The following C16orf46 variants were observed in gnomAD, a reference collection of about 807,000 sequenced individuals.
C16orf46 encodes the protein uncharacterized protein C16orf46.
In C16orf46, 7 loss-of-function variants were observed where a neutral mutation model predicts 5.5. That is an observed-to-expected ratio of 1.28 (90% CI 0.73 to 2.40). The LOEUF is 2.40. Ranked by LOEUF, C16orf46 falls within the 30% of genes most tolerant of loss-of-function variation. The probability of loss-of-function intolerance (pLI) is 0.00; values close to 1 mark genes in which losing one functional copy is unlikely to be tolerated. For synonymous variants in C16orf46, 200 were observed against 184.1 expected, an observed-to-expected ratio of 1.09 and a Z score of -0.70; for missense variants, 614 against 476.0, an observed-to-expected ratio of 1.29 and a Z score of -2.70.
chr16:81,056,075 G>C (rs968082450), downstream of C16orf46: 1 of 152,134 alleles, frequency 6.6e-6, no homozygotes, highest in Non-Finnish European at 1.5e-5. Context: ...AGCTAAACGG[G>C]AGAGAAAAGC....
downstream of C16orf46, chr16:81,060,875 A>G (rs1971440495): frequency 2.7e-6 from 2 of 728,464 alleles, no homozygotes; most frequent in East Asian, 5.2e-5. Context: ...AAGCAGGCAG[A>G]GGCTGGGGCT....
downstream of C16orf46, among the ~76,000 whole-genome samples, chr16:81,058,835 C>T (rs1195828103): frequency 6.6e-6 from 1 of 152,132 alleles, no homozygotes; most frequent in African/African-American, 2.4e-5. Context: ...TCCTTCCTGC[C>T]TTATGTGATA....
At chr16:81,071,667 C>A (rs1269503739) in intron 1 of C16orf46, among the ~76,000 whole-genome samples, 1 of 151,936 alleles carries the variant, frequency 6.6e-6, no homozygotes, top group Non-Finnish European at 1.5e-5. Flanking sequence ...ATCCCATGGG[C>A]CCCGGAGGGA....
intron 1 of C16orf46, among the ~76,000 whole-genome samples, chr16:81,068,306 G>A (rs1331434745): frequency 6.6e-6 from 1 of 152,188 alleles, no homozygotes; most frequent in Non-Finnish European, 1.5e-5. Flanking sequence ...TACAGCAAAA[G>A]GACATGTTTT....
intron 1 of C16orf46, among the ~76,000 whole-genome samples, chr16:81,068,367 G>C (rs988093829): frequency 6.6e-6 from 1 of 152,154 alleles, no homozygotes; most frequent in Non-Finnish European, 1.5e-5. Flanking sequence ...GGAGAAATCA[G>C]TGTAAACTGA....
chr16:81,059,527 C>T (rs150157775), downstream of C16orf46, among the ~76,000 whole-genome samples: 209 of 152,206 alleles, frequency 1.4e-3, no homozygotes, highest in African/African-American at 4.6e-3. Context: ...TATCACAGAA[C>T]GGTTCATCAG....
At chr16:81,055,235 T>A (rs1019225370) in intron 3 of C16orf46, 11 of 152,088 alleles carry the variant, frequency 7.2e-5, no homozygotes, top group African/African-American at 2.7e-4. Flanking sequence ...ACAAATGAAA[T>A]CACTAACAGT....
At position 81,061,188 on chromosome 16, in the gene C16orf46, AATG is replaced by A; in HGVS notation, c.1158_1160del (p.Ile387del). The A allele has an allele frequency of 6.2e-7, 1 of 1,612,880 alleles. No individual in the cohort carries two copies. Among genetic ancestry groups the A allele is most frequent in the African/African-American group, 1.3e-5 (1 of 74,984 alleles). ...AGAGGATCCTGTGGGTAGAGACAGGAATGATAACTCTGCTCACTGTGAGAGACG... is the reference window on the plus strand; with the variant it reads ...AGAGGATCCTGTGGGTAGAGACAGGAATAACTCTGCTCACTGTGAGAGACG... On this transcript the variant is annotated inframe_deletion, in exon 4 of 4. Coordinates refer to ENST00000299578, the MANE Select transcript of C16orf46 (RefSeq NM_152337.3).
chr16:81,076,993 T>G (rs1740498962), intron 1 of C16orf46, 143 bp downstream of exon 1: 1 of 152,148 alleles, frequency 6.6e-6, no homozygotes, highest in African/African-American at 2.4e-5. Context: ...CCCCGCCCGC[T>G]CTGGGGAAGC....
In C16orf46 at chr16:81,054,908, A is replaced by C. The variant is rs187188988; in HGVS notation, c.1144-814T>G. On this transcript the variant is annotated intron_variant, in intron 3 of 3. Transcript: ENST00000378611. ...AGTGATTCACCCACCTCGGGCTCCC[A>C]ATGTGCTGGGATTACAGGTGTGAGC... Among the ~76,000 whole-genome samples, 437 of 152,270 alleles carry C rather than the reference A, an allele frequency of 2.9e-3. 4 individuals are homozygous for C. Among genetic ancestry groups the C allele is most frequent in the African/African-American group, 1.0e-2 (414 of 41,558 alleles).
intron 2 of C16orf46, among the ~76,000 whole-genome samples, chr16:81,065,724 T>G (rs1355114175): frequency 6.6e-6 from 1 of 152,162 alleles, no homozygotes; most frequent in Non-Finnish European, 1.5e-5. Flanking sequence ...AAAACTAGTT[T>G]TTTTCATTTT....
At chr16:81,060,865 A>C, downstream of C16orf46, 1 of 620,488 alleles carries the variant, frequency 1.6e-6, no homozygotes, top group Non-Finnish European at 2.2e-6. Flanking sequence ...AGTGGACATG[A>C]AGCAGGCAGA....
chr16:81,059,852 G>C (rs1479759415), downstream of C16orf46, among the ~76,000 whole-genome samples: 1 of 150,964 alleles, frequency 6.6e-6, no homozygotes, highest in African/African-American at 2.4e-5. Context: ...GCAGTGGCAC[G>C]ATCTCCGCTC....
At chr16:81,066,460 C>T (rs998601826) in intron 1 of C16orf46, among the ~76,000 whole-genome samples, 179 bp from the exon 2 acceptor site, 1 of 152,184 alleles carries the variant, frequency 6.6e-6, no homozygotes, top group Admixed American at 6.5e-5. Flanking sequence ...CTGCCTCAAC[C>T]TCCCAGGTAG....
At position 81,061,579 on chromosome 16, in the gene C16orf46, G is replaced by C. The variant is rs1487685717; in HGVS notation, c.770C>G (p.Thr257Arg). ...TCTTTTTTCACCTTTCCCATCTGCT[G>C]TTTTCAAGCCATATGCATAAGCCAC... is the stretch of plus-strand genomic sequence containing the variant. ...GCVAYAYGLK[T>R]ADGKGEKRAS... is the part of the protein sequence containing the mutation. The change falls in exon 4 of 4, where the codon ACA (threonine) becomes AGA (arginine). Residue 257 changes from threonine (T) to arginine (R), a missense_variant. Coordinates refer to ENST00000299578, the MANE Select transcript of C16orf46 (RefSeq NM_152337.3). 1.2e-6 allele frequency: 2 copies of C among 1,613,998 alleles called. No homozygotes were observed. The highest frequency in any genetic ancestry group is 1.7e-6 in the Non-Finnish European group (2 of 1,180,046).
At chr16:81,066,888 G>A (rs533060386) in intron 1 of C16orf46, among the ~76,000 whole-genome samples, 1 of 152,320 alleles carries the variant, frequency 6.6e-6, no homozygotes, top group South Asian at 2.1e-4. Context: ...TTGCCATGGA[G>A]ACGCATTTGC....
At chr16:81,055,688 G>T (rs948443569) in intron 3 of C16orf46, among the ~76,000 whole-genome samples, 1 of 152,086 alleles carries the variant, frequency 6.6e-6, no homozygotes, top group East Asian at 1.9e-4. Flanking sequence ...GTGAAACTCT[G>T]CCTCAAAAAA....
intron 2 of C16orf46, among the ~76,000 whole-genome samples, chr16:81,065,264 G>A (rs1971619275): frequency 6.6e-6 from 1 of 152,082 alleles, no homozygotes; most frequent in South Asian, 2.1e-4. Flanking sequence ...TTTGAGGTTA[G>A]GTGTTGAGAC....
chr16:81,066,735 G>T (rs983988811), intron 1 of C16orf46, among the ~76,000 whole-genome samples: 1 of 152,274 alleles, frequency 6.6e-6, no homozygotes. Context: ...CGTAAACCAA[G>T]AGCTCATGCC....
Sources: gnomAD v4.1 joint callset for allele counts (sites outside exome capture counted in the v4.1 genomes callset) on GRCh38, gnomAD v4.1.1 for gene constraint, MANE v1.5 for transcripts, NCBI Gene and HGNC (gene_info 2026-07-23, HGNC 2026-07-21) for gene names.